The following AP5M1 variants were observed in gnomAD, a reference collection of about 807,000 sequenced individuals.
The protein encoded by AP5M1 is adaptor related protein complex 5 subunit mu 1.
A neutral mutation model predicts 52.3 loss-of-function variants in AP5M1; 44 were observed. The observed-to-expected ratio is 0.84, with a 90% CI of 0.66 to 1.08. AP5M1 has a LOEUF of 1.08. Among genes scored for constraint, AP5M1 ranks in the 50% least tolerant of loss-of-function variants. The probability of loss-of-function intolerance (pLI) is 0.00; values close to 1 mark genes in which losing one functional copy is unlikely to be tolerated. For missense variants in AP5M1, 526 were observed against 568.4 expected (o/e 0.93, Z 0.76); for synonymous variants, 213 against 199.0 (o/e 1.07, Z -0.59).
At position 57,295,018 on chromosome 14, in the gene AP5M1, A is replaced by G. The variant is rs1163404399; in HGVS notation, c.*6134A>G. The G allele has an allele frequency of 1.3e-5, 2 of 151,890 alleles. No individual in the cohort carries two copies. Among genetic ancestry groups the G allele is most frequent in the Non-Finnish European group, 2.9e-5 (2 of 67,846 alleles). 9.4% of individuals were successfully genotyped at this position (151,890 alleles called of 1,614,324 possible). A position where few individuals can be genotyped will look rare whatever the true frequency, so the allele number is the denominator to read the frequency against. On this transcript the variant is annotated 3_prime_UTR_variant, in exon 8 of 8. Coordinates refer to ENST00000261558, the MANE Select transcript of AP5M1 (RefSeq NM_018229.4). ...TGCCCGTTGCAGACATGGGCCTACT[A>G]AACTAGAAAGAGCATTTGAAGAGCA...
chr14:57,280,087 A>C, intron 2 of AP5M1, 108 bp from the exon 3 acceptor site: 2 of 797,296 alleles, frequency 2.5e-6, no homozygotes, highest in Non-Finnish European at 4.2e-6. Flanking sequence ...AACAATACCT[A>C]GAGAAAAGTG....
At position 57,290,403 on chromosome 14, in the gene AP5M1, C is replaced by T. The variant is rs942639132; in HGVS notation, c.*1519C>T. ...TTTTGAAAGAAGAAAATATCATTCC[C>T]TATAAGTTATTTGATCTCTCTTAAA... On this transcript the variant is annotated 3_prime_UTR_variant, in exon 8 of 8. Coordinates refer to ENST00000261558, the MANE Select transcript of AP5M1 (RefSeq NM_018229.4). 3 of 151,900 alleles carry T rather than the reference C, an allele frequency of 2.0e-5. No individual in the cohort carries two copies. Among genetic ancestry groups the T allele is most frequent in the Non-Finnish European group, 4.4e-5 (3 of 67,894 alleles). 9.4% of individuals were successfully genotyped at this position (151,900 alleles called of 1,614,324 possible).
In AP5M1 at chr14:57,282,205, A is replaced by C. The variant is rs997934129; in HGVS notation, c.1065A>C (p.Glu355Asp). The C allele has an allele frequency of 6.4e-7, 1 of 1,569,544 alleles. No individual in the cohort carries two copies. Among genetic ancestry groups the C allele is most frequent in the Admixed American group, 2.0e-5 (1 of 50,390 alleles). ...TGAAAAATAATTTTGAATTCTGTGAAGCCCATATACCTTTTTACAATAGGT... is the reference window on the plus strand; with the variant it reads ...TGAAAAATAATTTTGAATTCTGTGACGCCCATATACCTTTTTACAATAGGT... ...ESVKNNFEFC[E>D]AHIPFYNRGP... is the part of the protein sequence containing the mutation. The change falls in exon 4 of 8, where the codon GAA becomes GAC. Residue 355 changes from glutamate to aspartate, a missense_variant. Glu to Asp is a conservative substitution (Grantham distance 45, BLOSUM62 2). This residue lies in a region of AP5M1 where 425 missense variants were observed against 430.6 expected (regional missense o/e 0.99). Coordinates refer to ENST00000261558, the MANE Select transcript of AP5M1 (RefSeq NM_018229.4).
At chr14:57,274,202 C>G (rs767978225) in intron 1 of AP5M1, 42 bp from the exon 2 acceptor site, 1 of 1,526,066 alleles carries the variant, frequency 6.6e-7, no homozygotes, top group Non-Finnish European at 8.8e-7. Flanking sequence ...CTTGATTTTA[C>G]TTGGAAGAAT....
In AP5M1 at chr14:57,296,198, CTT is replaced by C. The variant is rs532021109; in HGVS notation, c.*7315_*7316del. ...GGGATTAAAATGTTTTACTTGGTCT[CTT>C]AGTGTTACTGAATACAAGTTTAGTA... On this transcript the variant is annotated 3_prime_UTR_variant, in exon 8 of 8. Transcript: ENST00000261558. The C allele has an allele frequency of 2.4e-3, 362 of 152,104 alleles. 3 individuals carry two copies. The highest frequency in any genetic ancestry group is 8.2e-3 in the African/African-American group (339 of 41,558). 9.4% of individuals were successfully genotyped at this position (152,104 alleles called of 1,614,324 possible).
Position 57,292,890 on chromosome 14 carries a change from A to G in AP5M1, c.*4006A>G, listed in dbSNP as rs1167407739. 6.6e-6 allele frequency: 1 copy of G among 151,496 alleles called. No homozygotes were observed. Among genetic ancestry groups the G allele is most frequent in the Non-Finnish European group, 1.5e-5 (1 of 67,726 alleles). The allele number at this position is 151,496 out of a possible 1,614,324, so 9.4% of individuals were successfully genotyped here. A position where few individuals can be genotyped will look rare whatever the true frequency, so the allele number is the denominator to read the frequency against. Reference sequence around the variant, plus strand: ...TAATGATTTCGAAGCTTTGTTAACTATTTCTTTTCTTGAGGCAAAGGAGCT... The same window carrying G: ...TAATGATTTCGAAGCTTTGTTAACTGTTTCTTTTCTTGAGGCAAAGGAGCT... On this transcript the variant is annotated 3_prime_UTR_variant, in exon 8 of 8. Transcript: ENST00000261558.
intron 1 of AP5M1, among the ~76,000 whole-genome samples, chr14:57,272,693 A>G (rs1884923469): frequency 6.6e-6 from 1 of 152,170 alleles, no homozygotes; most frequent in Admixed American, 6.5e-5. Context: ...CTAGATAATA[A>G]GAGATTGGAC....
rs767440347 is a variant in AP5M1, at chr14:57,282,949, T to G, written c.1104T>G (p.His368Gln). The change falls in exon 5 of 8, where the codon CAT becomes CAG. Residue 368 changes from histidine (H) to glutamine (Q), a missense_variant. By Grantham distance (24) the His-to-Gln change is conservative. Around this residue, in one of 3 missense-constraint regions of AP5M1, gnomAD observed 4 missense variants for 16.5 expected, o/e 0.24. Transcript: ENST00000261558. The part of the protein sequence containing the change: ...IPFYNRGPIT[H>Q]LEYKTSFGQL... ...CTTTTTAAAGAGGTCCAATTACACA[T>G]TTGGAATACAAAACTAGTTTTGGCC... 6.3e-7 allele frequency: 1 copy of G among 1,591,904 alleles called. No individual in the cohort carries two copies. The highest frequency in any genetic ancestry group is 1.1e-5 in the South Asian group (1 of 87,574).
At chr14:57,273,277 T>A (rs1222055236) in intron 1 of AP5M1, among the ~76,000 whole-genome samples, 1 of 152,200 alleles carries the variant, frequency 6.6e-6, no homozygotes, top group African/African-American at 2.4e-5. Context: ...TTTTTTAAAA[T>A]ATTAGTAAAC....
rs1884821741 is a variant in AP5M1 at position 57,269,450 on chromosome 14, T to C, written c.74+62T>C. On this transcript the variant is annotated intron_variant, in intron 1 of 7. Transcript: ENST00000261558. ...AGAAGATCGATGAAGTAGCATAGTT[T>C]TGTGGTGCTTCGTGGCCCAGGTTTG... is the stretch of plus-strand genomic sequence containing the variant. 4 of 1,561,696 alleles carry C rather than the reference T, an allele frequency of 2.6e-6. 1 individual carries two copies. In the South Asian group the frequency reaches 4.5e-5, roughly 17 times the overall value.
Position 57,297,764 on chromosome 14 carries a change from G to A in AP5M1, c.*8880G>A, listed in dbSNP as rs1450701873. 2 of 152,092 alleles carry A rather than the reference G, an allele frequency of 1.3e-5. No homozygotes were observed. The highest frequency in any genetic ancestry group is 1.9e-4 in the East Asian group (1 of 5,196). The allele number at this position is 152,092 out of a possible 1,614,324, so 9.4% of individuals were successfully genotyped here. A position where few individuals can be genotyped will look rare whatever the true frequency, so the allele number is the denominator to read the frequency against. On this transcript the variant is annotated 3_prime_UTR_variant, in exon 8 of 8. Transcript: ENST00000261558. ...ACCAGAAACACAAAAGCAGCTTAGT[G>A]TTGATTTAATGAAGTAGCAAAATGT...
intron 6 of AP5M1, among the ~76,000 whole-genome samples, chr14:57,285,958 T>G (rs17093061): frequency 0.034 from 5,192 of 152,244 alleles, 304 homozygotes; most frequent in African/African-American, 0.12. Context: ...GGATTAGAGC[T>G]GTTAGTGAAG....
Position 57,274,906 on chromosome 14 carries a change from G to A in AP5M1, c.720+17G>A, listed in dbSNP as rs769624278. The A allele has an allele frequency of 1.1e-5, 17 of 1,613,770 alleles. No individual in the cohort carries two copies. The Admixed American group carries it at 2.0e-4, about 19-fold the overall frequency. On this transcript the variant is annotated intron_variant, in intron 2 of 7. Coordinates refer to ENST00000261558, the MANE Select transcript of AP5M1 (RefSeq NM_018229.4). Reference sequence around the variant, plus strand: ...ACTTGCAAGGTGAGATTTTTCTCTGGTACTTGCTTTATCGTTTTATTTAAC... The same window carrying A: ...ACTTGCAAGGTGAGATTTTTCTCTGATACTTGCTTTATCGTTTTATTTAAC...
Position 57,269,264 on chromosome 14 carries a change from C to A in AP5M1, c.-51C>A. The A allele has an allele frequency of 6.4e-7, 1 of 1,572,442 alleles. No homozygotes were observed. The highest frequency in any genetic ancestry group is 8.7e-7 in the Non-Finnish European group (1 of 1,144,008). ...CTGAGAAAGCCGGTCTGCGCTGTTC[C>A]TCGGTGGCGACCTTAATTATGAGAT... On this transcript the variant is annotated 5_prime_UTR_variant, in exon 1 of 8. Transcript: ENST00000261558.
In AP5M1 at chr14:57,294,341, T is replaced by C. The variant is rs570198730; in HGVS notation, c.*5457T>C. On this transcript the variant is annotated 3_prime_UTR_variant, in exon 8 of 8. Coordinates refer to ENST00000261558, the MANE Select transcript of AP5M1 (RefSeq NM_018229.4). ...CTTTAAATGGCCTCTTTAAATGATATTTTATGTTTATAAATTTTGTTATGA... is the reference window on the plus strand; with the variant it reads ...CTTTAAATGGCCTCTTTAAATGATACTTTATGTTTATAAATTTTGTTATGA... 3.2e-4 allele frequency: 48 copies of C among 151,874 alleles called. No individual in the cohort carries two copies. The highest frequency in any genetic ancestry group is 6.8e-4 in the Non-Finnish European group (46 of 67,712). The allele number at this position is 151,874 out of a possible 1,614,324, so 9.4% of individuals were successfully genotyped here.
At position 57,282,951 on chromosome 14, in the gene AP5M1, T is replaced by G; in HGVS notation, c.1106T>G (p.Leu369Trp). 1 of 1,595,998 alleles carries G rather than the reference T, an allele frequency of 6.3e-7. No individual in the cohort carries two copies. The highest frequency in any genetic ancestry group is 8.6e-7 in the Non-Finnish European group (1 of 1,168,982). The change falls in exon 5 of 8, where the codon TTG (leucine) becomes TGG (tryptophan). Residue 369 changes from leucine (L) to tryptophan (W), a missense_variant. Around this residue, in one of 3 missense-constraint regions of AP5M1, gnomAD observed 4 missense variants for 16.5 expected, o/e 0.24. Transcript: ENST00000261558. ...TTTTAAAGAGGTCCAATTACACATT[T>G]GGAATACAAAACTAGTTTTGGCCAG... is the stretch of plus-strand genomic sequence containing the variant. ...PFYNRGPITH[L>W]EYKTSFGQLE...
rs1202602218 is a variant in AP5M1 at position 57,292,928 on chromosome 14, A to G, written c.*4044A>G. 1 of 151,646 alleles carries G rather than the reference A, an allele frequency of 6.6e-6. No homozygotes were observed. The highest frequency in any genetic ancestry group is 1.9e-4 in the East Asian group (1 of 5,190). 9.4% of individuals were successfully genotyped at this position (151,646 alleles called of 1,614,324 possible). ...AGGCAAAGGAGCTTCTTGTGTTTCC[A>G]TTATAAGAATAATTGCATTCATTTT... On this transcript the variant is annotated 3_prime_UTR_variant, in exon 8 of 8. Transcript: ENST00000261558.
intron 1 of AP5M1, among the ~76,000 whole-genome samples, chr14:57,270,732 G>C (rs1278074162): frequency 1.3e-5 from 2 of 152,086 alleles, no homozygotes; most frequent in Non-Finnish European, 2.9e-5. Context: ...TCTAACTGCC[G>C]TTCCCTTCCC....
rs892817623 is a variant in AP5M1 at position 57,297,975 on chromosome 14, T to G, written c.*9091T>G. The G allele has an allele frequency of 6.6e-6, 1 of 152,222 alleles. No homozygotes were observed. The highest frequency in any genetic ancestry group is 2.4e-5 in the African/African-American group (1 of 41,460). The allele number at this position is 152,222 out of a possible 1,614,324, so 9.4% of individuals were successfully genotyped here. A position where few individuals can be genotyped will look rare whatever the true frequency, so the allele number is the denominator to read the frequency against. On this transcript the variant is annotated 3_prime_UTR_variant, in exon 8 of 8. Coordinates refer to ENST00000261558, the MANE Select transcript of AP5M1 (RefSeq NM_018229.4). ...ACTTTTCAGAGAATTTGTTGCCATT[T>G]ATGACACTGATCTTCAGACACACTG...
Sources: allele counts gnomAD v4.1 joint callset (sites outside exome capture counted in the v4.1 genomes callset), GRCh38; gene constraint gnomAD v4.1.1; regional missense constraint gnomAD v4.1.1; transcripts MANE v1.5; gene names NCBI Gene and HGNC (gene_info 2026-07-23, HGNC 2026-07-21).